Variants in SUPT20H observed in about 807,000 individuals in gnomAD.
SUPT20H encodes the protein transcription factor SPT20 homolog.
In SUPT20H, 82 loss-of-function variants were observed where a neutral mutation model predicts 122.8. The ratio of observed to expected loss-of-function variants is 0.67; its 90% confidence interval spans 0.56 to 0.80. SUPT20H has a LOEUF of 0.80. SUPT20H is among the 30% of genes least tolerant of loss of function. The probability of loss-of-function intolerance (pLI) is 0.00; values close to 1 mark genes in which losing one functional copy is unlikely to be tolerated. For synonymous variants in SUPT20H, 291 were observed against 313.0 expected, an observed-to-expected ratio of 0.93 and a Z score of 0.74; for missense variants, 831 against 921.6, an observed-to-expected ratio of 0.90 and a Z score of 1.27.
At chr13:37,053,806 T>C (rs374368202) in intron 1 of SUPT20H, among the ~76,000 whole-genome samples, 8 of 152,146 alleles carry the variant, frequency 5.3e-5, no homozygotes, top group Admixed American at 4.6e-4. Flanking sequence ...GAAAGATTCA[T>C]TCAAAAACTC....
At chr13:37,048,527 C>A (rs1218545591) in intron 3 of SUPT20H, 37 bp downstream of exon 3, 1 of 1,539,948 alleles carries the variant, frequency 6.5e-7, no homozygotes, top group Non-Finnish European at 8.7e-7. Flanking sequence ...CAATTAAAGA[C>A]AACACTATTT....
intron 9 of SUPT20H, among the ~76,000 whole-genome samples, chr13:37,036,557 T>G (rs1454316379): frequency 1.3e-5 from 2 of 152,098 alleles, no homozygotes; most frequent in African/African-American, 4.8e-5. Context: ...CCTGCCCTCA[T>G]GATCCACCCG....
intron 20 of SUPT20H, 80 bp from the exon 21 acceptor site, chr13:37,021,682 A>G: frequency 1.4e-6 from 2 of 1,429,784 alleles, no homozygotes; most frequent in Non-Finnish European, 1.9e-6. Flanking sequence ...ATTAAAAAAC[A>G]AAACTACTAA....
chr13:37,058,619 C>A (rs1594673460), intron 1 of SUPT20H, among the ~76,000 whole-genome samples: 1 of 152,158 alleles, frequency 6.6e-6, no homozygotes, highest in East Asian at 1.9e-4. Context: ...TTACTAGAAC[C>A]TGTGAGGAAA....
At chr13:37,021,740 T>C in intron 20 of SUPT20H, 138 bp from the exon 21 acceptor site, 5 of 1,123,248 alleles carry the variant, frequency 4.5e-6, no homozygotes, top group Non-Finnish European at 6.1e-6. Context: ...AAGAAAGTAA[T>C]GCAGAAGATA....
At chr13:37,057,525 A>T (rs1015148029) in intron 1 of SUPT20H, among the ~76,000 whole-genome samples, 533 of 2,278 alleles carry the variant, frequency 0.23, 15 homozygotes, top group East Asian at 0.52. Context: ...CCAAGCCATT[A>T]AAAAAAAAAA....
At chr13:37,019,540 A>T in intron 21 of SUPT20H, 143 bp from the exon 22 acceptor site, 1 of 491,708 alleles carries the variant, frequency 2.0e-6, no homozygotes, top group South Asian at 5.6e-5. Flanking sequence ...AAAATATCTT[A>T]AAAACAAAAG....
At chr13:37,044,315 A>G (rs1382520475) in intron 6 of SUPT20H, 134 bp from the exon 7 acceptor site, 1 of 601,148 alleles carries the variant, frequency 1.7e-6, no homozygotes, top group Non-Finnish European at 2.6e-6. Flanking sequence ...CAAAAAAAAT[A>G]AAAATAAAAA....
intron 6 of SUPT20H, 64 bp downstream of exon 6, chr13:37,045,183 A>T (rs1253202678): frequency 6.3e-7 from 1 of 1,594,626 alleles, no homozygotes; most frequent in African/African-American, 1.4e-5. Context: ...AAACTACTTT[A>T]AAAAAACCGC....
chr13:37,018,868 C>T (rs575249793), intron 22 of SUPT20H, among the ~76,000 whole-genome samples: 2 of 152,144 alleles, frequency 1.3e-5, no homozygotes, highest in African/African-American at 2.4e-5. Context: ...AGGCTGGTCT[C>T]GAACTCCTGA....
chr13:37,047,018 A>G (rs1188604367), intron 5 of SUPT20H: 1 of 152,248 alleles, frequency 6.6e-6, no homozygotes, highest in Non-Finnish European at 1.5e-5. Context: ...GACTTCTGTT[A>G]CATGTCTACT....
At position 37,040,612 on chromosome 13, in the gene SUPT20H, G is replaced by C; in HGVS notation, c.477C>G (p.Tyr159Ter). The C allele has an allele frequency of 1.2e-6, 2 of 1,614,050 alleles. No individual in the cohort carries two copies. The highest frequency in any genetic ancestry group is 1.7e-6 in the Non-Finnish European group (2 of 1,180,002). The change falls in exon 8 of 26, where the codon TAC becomes TAG. Residue 159 changes from tyrosine (Y) to a stop codon, truncating the protein, a stop_gained. Transcript: ENST00000350612. LOFTEE classifies it high-confidence loss of function. ...RQSSNMKSPG[Y>*]QSRHILLRPT... ...GACGTAAGAGAATGTGCCGACTTTG[G>C]TAACCAGGAGATTTCATGTTACTGG...
rs987001055 is a variant in SUPT20H, at chr13:37,017,100, C to T, written c.1992+145G>A. 19 of 1,093,818 alleles carry T rather than the reference C, an allele frequency of 1.7e-5. No individual in the cohort carries two copies. The Admixed American group carries it at 3.6e-4, about 21-fold the overall frequency. 67.8% of individuals were successfully genotyped at this position (1,093,818 alleles called of 1,614,324 possible). A position where few individuals can be genotyped will look rare whatever the true frequency, so the allele number is the denominator to read the frequency against. On this transcript the variant is annotated intron_variant, in intron 23 of 25. Coordinates refer to ENST00000350612, the MANE Select transcript of SUPT20H (RefSeq NM_001014286.3). ...GTATGACTGTTTTATTAGGAATACACACCCAATAGCTGATTGCTACTATTG... is the reference window on the plus strand; with the variant it reads ...GTATGACTGTTTTATTAGGAATACATACCCAATAGCTGATTGCTACTATTG...
chr13:37,019,207 AG>A (rs1346945799), intron 22 of SUPT20H, 134 bp downstream of exon 22: 11 of 581,754 alleles, frequency 1.9e-5, no homozygotes, highest in Non-Finnish European at 3.3e-5. Flanking sequence ...ATACAAAGGT[AG>A]CAATAATAAC....
At chr13:37,033,765 A>G (rs918893498) in intron 9 of SUPT20H, among the ~76,000 whole-genome samples, 177 bp from the exon 10 acceptor site, 1 of 152,240 alleles carries the variant, frequency 6.6e-6, no homozygotes, top group African/African-American at 2.4e-5. Context: ...GACAGCATAA[A>G]GAAACTTCTA....
intron 23 of SUPT20H, chr13:37,013,563 A>C (rs570558893): frequency 1.3e-5 from 2 of 152,150 alleles, no homozygotes; most frequent in Admixed American, 1.3e-4. Flanking sequence ...AATCTTTGGG[A>C]CCTAGAGCTA....
chr13:37,021,978 A>T (rs562801431), intron 20 of SUPT20H, 33 bp downstream of exon 20: 34 of 1,294,286 alleles, frequency 2.6e-5, no homozygotes, highest in Non-Finnish European at 3.2e-5. Context: ...CTATCTTTAT[A>T]AAAAAAAAAT....
At chr13:37,033,374 G>C in intron 10 of SUPT20H, 75 bp downstream of exon 10, 5 of 1,543,112 alleles carry the variant, frequency 3.2e-6, no homozygotes, top group South Asian at 2.5e-5. Flanking sequence ...ATACCCTGGA[G>C]GGAAAAGATA....
chr13:37,026,805 T>C lies in SUPT20H; in HGVS notation c.1163A>G (p.Asp388Gly). ...SQMSPSHSST[D>G]DHSNWFIIGS... The stretch of plus-strand genomic sequence containing the variant: ...TTTTAATTACCAATTTGAATGATCA[T>C]CTGTGGACGAGCTGAAATATAAAAT... The change falls in exon 15 of 26, where the codon GAT becomes GGT. Residue 388 changes from aspartate (D) to glycine (G), a missense_variant. Physicochemically the swap from Asp to Gly is moderately conservative, Grantham distance 94. Transcript: ENST00000350612. 1 of 1,441,782 alleles carries C rather than the reference T, an allele frequency of 6.9e-7. No homozygotes were observed. Among genetic ancestry groups the C allele is most frequent in the Non-Finnish European group, 9.2e-7 (1 of 1,085,336 alleles). The allele number at this position is 1,441,782 out of a possible 1,614,324, so 89.3% of individuals were successfully genotyped here. A position where few individuals can be genotyped will look rare whatever the true frequency, so the allele number is the denominator to read the frequency against.
Sources: allele counts gnomAD v4.1 joint callset (sites outside exome capture counted in the v4.1 genomes callset), GRCh38; gene constraint gnomAD v4.1.1; transcripts MANE v1.5; gene names NCBI Gene and HGNC (gene_info 2026-07-23, HGNC 2026-07-21).